The following RNF213 variants were observed in gnomAD, a reference collection of about 807,000 sequenced individuals.
The protein encoded by RNF213 is ring finger protein 213, also known as E3 ubiquitin-protein ligase RNF213.
In RNF213, 341 loss-of-function variants were observed where a neutral mutation model predicts 514.4. The ratio of observed to expected loss-of-function variants is 0.66; its 90% confidence interval spans 0.61 to 0.73. RNF213 has a LOEUF of 0.73. Ranked by LOEUF, RNF213 falls within the 30% of genes least tolerant of loss-of-function variation. The pLI is 0.00. For synonymous variants in RNF213, 2,655 were observed against 2,658.2 expected (o/e 1.00, Z 0.04); for missense variants, 5,767 against 6,615.6 (o/e 0.87, Z 4.45).
Position 80,339,740 on chromosome 17 carries a change from C to T in RNF213, c.5373C>T (p.Ala1791=). 1 of 1,537,174 alleles carries T rather than the reference C, an allele frequency of 6.5e-7. No individual in the cohort carries two copies. The highest frequency in any genetic ancestry group is 1.2e-5 in the South Asian group (1 of 84,060). ...AGCAGTCCATGAGGTGCCTTCCTGC[C>T]TTCCTGCCCGACTGCCTCGACCTAG... is the stretch of plus-strand genomic sequence containing the variant. The part of the protein sequence containing the change: ...IMEQSMRCLP[A]FLPDCLDLET... The change falls in exon 26 of 68, where the codon GCC becomes GCT. Residue 1791 remains alanine, a synonymous_variant. Transcript: ENST00000582970.
At chr17:80,303,758 A>G (rs1908604205) in intron 11 of RNF213, among the ~76,000 whole-genome samples, 1 of 151,012 alleles carries the variant, frequency 6.6e-6, no homozygotes, top group Non-Finnish European at 1.5e-5. Flanking sequence ...TTTAGTGGAG[A>G]TGGGTTTTGC....
Position 80,288,252 on chromosome 17 carries a change from G to A in RNF213, c.699G>A (p.Arg233=), listed in dbSNP as rs1352687899. ...PPTSAGEGHS[R]TEDAAQELLL... ...CCTCTGCTGGTGAAGGCCATTCTAG[G>A]ACTGAAGATGCTGCCCAGGAGCTCC... Residue 233 remains arginine, a synonymous_variant, in exon 4 of 68, where the codon AGG becomes AGA. Coordinates refer to ENST00000582970, the MANE Select transcript of RNF213 (RefSeq NM_001256071.3). This position sits in a 1 kb window ranked among gnomAD's most constrained non-coding sequence, Gnocchi z 4.9. 6.2e-7 allele frequency: 1 copy of A among 1,613,214 alleles called. No homozygotes were observed.
At chr17:80,279,722 G>C (rs1189705756) in intron 3 of RNF213, among the ~76,000 whole-genome samples, 1 of 152,078 alleles carries the variant, frequency 6.6e-6, no homozygotes, top group Non-Finnish European at 1.5e-5. Context: ...ACCCATCTTG[G>C]CCTTCCAAAA....
intron 11 of RNF213, among the ~76,000 whole-genome samples, chr17:80,305,640 C>A (rs1412138244): frequency 6.8e-6 from 1 of 147,952 alleles, no homozygotes; most frequent in African/African-American, 2.5e-5. Context: ...GAGACAGAGT[C>A]TCACTCTGTT....
chr17:80,361,809 C>T lies in RNF213; in HGVS notation c.11276C>T (p.Pro3759Leu), dbSNP rs982229865. ...GRFLAQLHGE[P>L]QQELLQCYLK... is the part of the protein sequence containing the mutation. ...TTTCTTGCCCAGCTCCATGGAGAGC[C>T]GCAGCAGGAACTTCTTCAGTGTTAC... The change falls in exon 39 of 68, where the codon CCG becomes CTG. Residue 3759 changes from proline (P) to leucine (L), a missense_variant. Pro to Leu is a moderately conservative substitution (Grantham distance 98). Coordinates refer to ENST00000582970, the MANE Select transcript of RNF213 (RefSeq NM_001256071.3). The T allele has an allele frequency of 1.5e-5, 25 of 1,613,966 alleles. No homozygotes were observed. The highest frequency in any genetic ancestry group is 4.0e-5 in the African/African-American group (3 of 74,930).
In RNF213 at chr17:80,376,896, A is replaced by G; in HGVS notation, c.13443A>G (p.Pro4481=). 6.2e-7 allele frequency: 1 copy of G among 1,614,132 alleles called. No individual in the cohort carries two copies. Among genetic ancestry groups the G allele is most frequent in the South Asian group, 1.1e-5 (1 of 91,068 alleles). ...TTGTTTTTCAGCATGCTTTTCTTCC[A>G]ACCATGCCTGAAGACTTGCTGGCTC... is the stretch of plus-strand genomic sequence containing the variant. ...SPATMAHAFL[P]TMPEDLLAQA... Residue 4481 remains proline (P), a synonymous_variant, in exon 53 of 68, where the codon CCA becomes CCG. Coordinates refer to ENST00000582970, the MANE Select transcript of RNF213 (RefSeq NM_001256071.3).
Position 80,325,058 on chromosome 17 carries a change from CTTACTCTGAT to C in RNF213, c.3056_3065del (p.Tyr1019CysfsTer11). 6.5e-7 allele frequency: 1 copy of C among 1,537,182 alleles called. No homozygotes were observed. Among genetic ancestry groups the C allele is most frequent in the Non-Finnish European group, 8.7e-7 (1 of 1,146,908 alleles). ...CAGACCAGTATCCTTCAGGGGTTCTCTTACTCTGATTTGCGGAAATTTGGCATCGTCTTGT... is the reference window on the plus strand; with the variant it reads ...CAGACCAGTATCCTTCAGGGGTTCTCTTGCGGAAATTTGGCATCGTCTTGT... On this transcript the variant is annotated frameshift_variant, in exon 18 of 68. Coordinates refer to ENST00000582970, the MANE Select transcript of RNF213 (RefSeq NM_001256071.3). LOFTEE classifies it high-confidence loss of function.
At chr17:80,318,635 G>A (rs553623846) in intron 16 of RNF213, among the ~76,000 whole-genome samples, 16 of 152,034 alleles carry the variant, frequency 1.1e-4, no homozygotes, top group Admixed American at 4.6e-4. Context: ...GTGCAGTGGC[G>A]GGATCTCGGC....
rs1658087193 is a variant in RNF213 at position 80,263,421 on chromosome 17, G to A, written c.-108-153G>A. ...GTTCTCAGCAGCAGGGATGGTTCTAGGCTGGCTGAATGAGGGACCAGGGCA... is the reference window on the plus strand; with the variant it reads ...GTTCTCAGCAGCAGGGATGGTTCTAAGCTGGCTGAATGAGGGACCAGGGCA... On this transcript the variant is annotated intron_variant, in intron 1 of 67. Coordinates refer to ENST00000582970, the MANE Select transcript of RNF213 (RefSeq NM_001256071.3). This position sits in a 1 kb window ranked among gnomAD's most constrained non-coding sequence, Gnocchi z 4.9. Among the ~76,000 whole-genome samples the A allele has an allele frequency of 6.6e-6, 1 of 152,020 alleles. No individual in the cohort carries two copies. Among genetic ancestry groups the A allele is most frequent in the African/African-American group, 2.4e-5 (1 of 41,432 alleles).
chr17:80,295,915 A>G, intron 10 of RNF213, 102 bp downstream of exon 10: 1 of 1,369,854 alleles, frequency 7.3e-7, no homozygotes, highest in Non-Finnish European at 1.0e-6. Flanking sequence ...GCACACAGGC[A>G]AGAAATAAAA....
chr17:80,381,039 T>A (rs1386219908), intron 56 of RNF213, 52 bp downstream of exon 56: 1 of 1,594,108 alleles, frequency 6.3e-7, no homozygotes, highest in Non-Finnish European at 8.6e-7. Context: ...CTGCTTTCGC[T>A]TCTTCCCAGG....
intron 30 of RNF213, 65 bp from the exon 31 acceptor site, chr17:80,350,236 G>T: frequency 9.8e-7 from 1 of 1,021,028 alleles, no homozygotes; most frequent in South Asian, 1.3e-5. Flanking sequence ...CATCACTTTG[G>T]GGAATTTTCT....
At chr17:80,378,327 G>A (rs2079846095) in intron 54 of RNF213, among the ~76,000 whole-genome samples, 2 of 152,138 alleles carry the variant, frequency 1.3e-5, no homozygotes, top group South Asian at 2.1e-4. Context: ...TGTGCGCCAT[G>A]GGGGAAGAAC....
intron 2 of RNF213, among the ~76,000 whole-genome samples, chr17:80,272,162 T>C (rs763805489): frequency 5.9e-5 from 9 of 151,700 alleles, no homozygotes; most frequent in Non-Finnish European, 1.2e-4. Context: ...CATGCACCTG[T>C]AATCCCAGCT....
chr17:80,365,824 C>T (rs747791161), intron 42 of RNF213, among the ~76,000 whole-genome samples: 3 of 152,222 alleles, frequency 2.0e-5, no homozygotes, highest in Non-Finnish European at 4.4e-5. Flanking sequence ...GGGCTTTCAG[C>T]CAGGTCCAGC....
rs751891719 is a variant in RNF213, at chr17:80,383,803, A to G, written c.14197A>G (p.Ser4733Gly). Residue 4733 changes from serine to glycine, a missense_variant, in exon 59 of 68, where the codon AGT becomes GGT. By Grantham distance (56) the Ser-to-Gly change is moderately conservative. Coordinates refer to ENST00000582970, the MANE Select transcript of RNF213 (RefSeq NM_001256071.3). ...CTTCCTGCCCCACCTGCCCCGGAAA[A>G]GTGTGGTCCATTGCTCTAAGATTTG... ...VTFLPHLPRK[S>G]VVHCSKIWSC... The G allele has an allele frequency of 5.6e-6, 9 of 1,614,152 alleles. No individual in the cohort carries two copies. In the South Asian group the frequency reaches 8.8e-5, roughly 16 times the overall value.
chr17:80,309,832 T>A (rs942159034), intron 14 of RNF213, among the ~76,000 whole-genome samples: 11 of 152,050 alleles, frequency 7.2e-5, no homozygotes, highest in African/African-American at 2.7e-4. Context: ...CTCGGCTTAC[T>A]GCAAGCTCCG....
rs764108900 is a variant in RNF213 at position 80,345,545 on chromosome 17, C to T, written c.7210C>T (p.Leu2404Phe). Residue 2404 changes from leucine (L) to phenylalanine (F), a missense_variant, in exon 29 of 68, where the codon CTT becomes TTT. Around this residue, in one of 13 missense-constraint regions of RNF213, gnomAD observed 1,377 missense variants for 1,635.2 expected, o/e 0.84. Transcript: ENST00000582970. This position sits in a 1 kb window ranked among gnomAD's most constrained non-coding sequence, Gnocchi z 6.0. ...ELTTDNMLKI[L>F]AIEMRFRCGI... ...CACAACCGACAATATGCTTAAAATC[C>T]TTGCCATCGAGATGCGGTTCCGGTG... 4 of 1,613,220 alleles carry T rather than the reference C, an allele frequency of 2.5e-6. No individual in the cohort carries two copies. The African/African-American group carries it at 5.3e-5, about 22-fold the overall frequency.
chr17:80,346,308 T>C lies in RNF213; in HGVS notation c.7973T>C (p.Leu2658Pro). 1.2e-6 allele frequency: 2 copies of C among 1,614,028 alleles called. No individual in the cohort carries two copies. The highest frequency in any genetic ancestry group is 1.7e-6 in the Non-Finnish European group (2 of 1,180,024). The change falls in exon 29 of 68, where the codon CTC (leucine) becomes CCC (proline). Residue 2658 changes from leucine (L) to proline (P), a missense_variant. Physicochemically the swap from Leu to Pro is moderately conservative, Grantham distance 98. Around this residue, in one of 13 missense-constraint regions of RNF213, gnomAD observed 1,377 missense variants for 1,635.2 expected, o/e 0.84. Coordinates refer to ENST00000582970, the MANE Select transcript of RNF213 (RefSeq NM_001256071.3). The surrounding 1 kb of genome is among the most constrained non-coding windows in gnomAD (Gnocchi z 8.1). ...TGGTTCCACGAGCACAGCGCGATGC[T>C]CTTAGCGCAGCTGAATGCCTTTCTC... Reference protein sequence around the residue: ...FRWFHEHSAMLLAQLNAFLSK... With the variant: ...FRWFHEHSAMPLAQLNAFLSK...
Sources: gnomAD v4.1 joint callset for allele counts (sites outside exome capture counted in the v4.1 genomes callset) on GRCh38, gnomAD v4.1.1 for gene constraint, gnomAD v4.1.1 regional missense constraint, Gnocchi (gnomAD v3.1) non-coding constraint, MANE v1.5 for transcripts, NCBI Gene and HGNC (gene_info 2026-07-23, HGNC 2026-07-21) for gene names.